Variants in ANKS1B observed in about 807,000 individuals in gnomAD.
ANKS1B encodes the protein ankyrin repeat and sterile alpha motif domain-containing protein 1B.
Under a neutral mutation model 148.3 loss-of-function variants are expected in ANKS1B, and 36 were observed. That is an observed-to-expected ratio of 0.24 (90% CI 0.19 to 0.32). The LOEUF is 0.32. ANKS1B is among the 10% of genes least tolerant of loss of function. ANKS1B has a pLI of 1.00. For synonymous variants in ANKS1B, 542 were observed against 560.8 expected (o/e 0.97, Z 0.47); for missense variants, 1,157 against 1,542.6 (o/e 0.75, Z 4.19).
chr12:99,792,037 A>G (rs554339655), intron 4 of ANKS1B, among the ~76,000 whole-genome samples: 152 of 152,046 alleles, frequency 1.0e-3, no homozygotes, highest in African/African-American at 3.6e-3. Flanking sequence ...ACCCAAATAA[A>G]TGAAATCAGA....
intron 17 of ANKS1B, among the ~76,000 whole-genome samples, chr12:99,038,404 T>G (rs1282776296): frequency 6.6e-6 from 1 of 152,140 alleles, no homozygotes; most frequent in East Asian, 1.9e-4. Flanking sequence ...ACTCAGATAT[T>G]CTCACCTTCT....
intron 9 of ANKS1B, among the ~76,000 whole-genome samples, chr12:99,588,779 C>G (rs981067139): frequency 4.6e-5 from 7 of 152,124 alleles, no homozygotes; most frequent in African/African-American, 1.7e-4. Context: ...ATGGCCTGCT[C>G]CAGGCTTTCT....
chr12:98,838,664 G>A (rs1289783207), intron 17 of ANKS1B, among the ~76,000 whole-genome samples: 1 of 152,128 alleles, frequency 6.6e-6, no homozygotes, highest in African/African-American at 2.4e-5. Context: ...TTCCATTTTA[G>A]GGGGTAGATT....
intron 1 of ANKS1B, among the ~76,000 whole-genome samples, chr12:99,974,036 A>G (rs1375161816): frequency 2.0e-5 from 3 of 152,190 alleles, no homozygotes; most frequent in African/African-American, 7.2e-5. Context: ...TGTGAAAGGA[A>G]CAGTCAACTA....
intron 12 of ANKS1B, among the ~76,000 whole-genome samples, chr12:99,379,359 A>G (rs1240554618): frequency 6.6e-6 from 1 of 152,226 alleles, no homozygotes. Flanking sequence ...AGTTCTATCA[A>G]TGAAGGCAAG....
chr12:99,192,469 C>T (rs11836114), intron 14 of ANKS1B, among the ~76,000 whole-genome samples: 23,496 of 151,970 alleles, frequency 0.15, 4,816 homozygotes, highest in African/African-American at 0.47. Context: ...ATCTGAAATA[C>T]ATGTTCAGTA....
At chr12:98,778,534 G>A (rs2098702888) in intron 24 of ANKS1B, among the ~76,000 whole-genome samples, 1 of 152,192 alleles carries the variant, frequency 6.6e-6, no homozygotes, top group African/African-American at 2.4e-5. Flanking sequence ...GGTGAAAACA[G>A]AAAGCAGGAC....
At chr12:99,364,735 T>G (rs777694597) in intron 12 of ANKS1B, among the ~76,000 whole-genome samples, 4 of 152,200 alleles carry the variant, frequency 2.6e-5, no homozygotes, top group Non-Finnish European at 5.9e-5. Flanking sequence ...TTTTATATCA[T>G]AAACTTATCT....
intron 12 of ANKS1B, among the ~76,000 whole-genome samples, chr12:99,352,826 T>C (rs1566943996): frequency 6.6e-6 from 1 of 152,028 alleles, no homozygotes; most frequent in Non-Finnish European, 1.5e-5. Flanking sequence ...CTAATGCACA[T>C]GAAAACTATT....
intron 11 of ANKS1B, among the ~76,000 whole-genome samples, chr12:99,426,960 T>C (rs934214169): frequency 6.6e-6 from 1 of 152,198 alleles, no homozygotes; most frequent in Non-Finnish European, 1.5e-5. Flanking sequence ...AATCTGGACA[T>C]GCTTGATTCG....
At chr12:99,594,853 G>A (rs1487722427) in intron 9 of ANKS1B, among the ~76,000 whole-genome samples, 2 of 151,568 alleles carry the variant, frequency 1.3e-5, no homozygotes, top group Non-Finnish European at 1.5e-5. Flanking sequence ...TTGTTAAGAA[G>A]GTAAATCTGA....
At chr12:99,619,476 G>A (rs1029490733) in intron 9 of ANKS1B, among the ~76,000 whole-genome samples, 77 of 151,868 alleles carry the variant, frequency 5.1e-4, no homozygotes, top group African/African-American at 1.8e-3. Context: ...TCACACCCAG[G>A]CAGATCTCCA....
At position 98,735,769 on chromosome 12, in the gene ANKS1B, C is replaced by G. The variant is rs866316916; in HGVS notation, c.691-135G>C. On this transcript the variant is annotated intron_variant, in intron 9 of 9. Coordinates refer to the ANKS1B transcript ENST00000341752. Reference sequence around the variant, plus strand: ...AGGAGTGAGCAAAACAAAAGTCTTGCTCTACTGCAGTTAAGGGCCAGGGAG... The same window carrying G: ...AGGAGTGAGCAAAACAAAAGTCTTGGTCTACTGCAGTTAAGGGCCAGGGAG... 57 of 501,926 alleles carry G rather than the reference C, an allele frequency of 1.1e-4. No individual in the cohort carries two copies. In the Middle Eastern group the frequency reaches 3.5e-3, roughly 31 times the overall value. 31.1% of individuals were successfully genotyped at this position (501,926 alleles called of 1,614,324 possible).
At chr12:98,817,362 A>T (rs1240977397) in intron 19 of ANKS1B, among the ~76,000 whole-genome samples, 2 of 152,258 alleles carry the variant, frequency 1.3e-5, no homozygotes, top group African/African-American at 4.8e-5. Context: ...GTCAAGGGGT[A>T]ACGCACCAAA....
chr12:99,464,775 A>G (rs2096066239), intron 10 of ANKS1B, among the ~76,000 whole-genome samples: 1 of 152,238 alleles, frequency 6.6e-6, no homozygotes, highest in Non-Finnish European at 1.5e-5. Context: ...AAAGCCTCCA[A>G]GAAATATGGG....
intron 8 of ANKS1B, among the ~76,000 whole-genome samples, chr12:99,755,939 T>A (rs1437920178): frequency 6.6e-6 from 1 of 152,044 alleles, no homozygotes; most frequent in African/African-American, 2.4e-5. Flanking sequence ...TTTGAGGACA[T>A]ACCTCAAAAT....
chr12:98,853,723 C>T (rs1419270717), intron 17 of ANKS1B, among the ~76,000 whole-genome samples: 2 of 152,206 alleles, frequency 1.3e-5, no homozygotes, highest in Admixed American at 6.5e-5. Context: ...TATAATCACA[C>T]ATTTGCTTGT....
At chr12:99,067,947 C>T (rs1283729375) in intron 16 of ANKS1B, among the ~76,000 whole-genome samples, 3 of 151,832 alleles carry the variant, frequency 2.0e-5, no homozygotes, top group African/African-American at 7.3e-5. Context: ...TTATCTCAGA[C>T]AATGGAGTGA....
intron 12 of ANKS1B, among the ~76,000 whole-genome samples, chr12:99,272,073 C>A (rs1358173374): frequency 6.6e-6 from 1 of 152,022 alleles, no homozygotes; most frequent in Non-Finnish European, 1.5e-5. Flanking sequence ...GGGGCCAGGG[C>A]AAACTGCTAG....
Sources: gnomAD v4.1 joint callset for allele counts (sites outside exome capture counted in the v4.1 genomes callset) on GRCh38, gnomAD v4.1.1 for gene constraint, MANE v1.5 for transcripts, NCBI Gene and HGNC (gene_info 2026-07-23, HGNC 2026-07-21) for gene names.